AGBL4: variants seen among roughly 807,000 people sequenced by gnomAD.
The protein encoded by AGBL4 is AGBL carboxypeptidase 4.
Under a neutral mutation model 66.4 loss-of-function variants are expected in AGBL4, and 58 were observed. That is an observed-to-expected ratio of 0.87 (90% CI 0.71 to 1.09). The LOEUF (loss-of-function observed/expected upper bound fraction) is 1.09, where lower values mean the gene tolerates loss of function less well. Among genes scored for constraint, AGBL4 ranks in the 50% least tolerant of loss-of-function variants. The probability of loss-of-function intolerance (pLI) is 0.00; values close to 1 mark genes in which losing one functional copy is unlikely to be tolerated. For missense variants in AGBL4, 579 were observed against 631.0 expected (o/e 0.92, Z 0.88); for synonymous variants, 234 against 222.9 (o/e 1.05, Z -0.44).
intron 5 of AGBL4, among the ~76,000 whole-genome samples, chr1:48,889,098 C>T (rs550476403): frequency 3.0e-4 from 45 of 152,302 alleles, no homozygotes; most frequent in Non-Finnish European, 5.4e-4. Context: ...GAGCTGTCAA[C>T]CTTAGGCTCA....
intron 3 of AGBL4, among the ~76,000 whole-genome samples, chr1:49,251,027 G>A (rs1176742667): frequency 2.0e-5 from 3 of 152,124 alleles, no homozygotes; most frequent in Non-Finnish European, 2.9e-5. Flanking sequence ...ATCTTTGCAG[G>A]ACAGTCTTCC....
At chr1:48,711,709 C>T (rs1279100702) in intron 6 of AGBL4, among the ~76,000 whole-genome samples, 2 of 139,670 alleles carry the variant, frequency 1.4e-5, no homozygotes, top group Non-Finnish European at 3.2e-5. Flanking sequence ...CCTGTCACCC[C>T]TCTCTCACTC....
At chr1:49,691,946 G>A (rs1646896190) in intron 3 of AGBL4, among the ~76,000 whole-genome samples, 2 of 152,032 alleles carry the variant, frequency 1.3e-5, no homozygotes, top group Admixed American at 1.3e-4. Flanking sequence ...GGCCTATTGT[G>A]GGACCTTGTG....
At chr1:49,820,791 T>C (rs1557479584) in intron 2 of AGBL4, among the ~76,000 whole-genome samples, 1 of 152,168 alleles carries the variant, frequency 6.6e-6, no homozygotes, top group East Asian at 1.9e-4. Flanking sequence ...TTAACTAAGA[T>C]GTATAAGAAC....
intron 3 of AGBL4, among the ~76,000 whole-genome samples, chr1:49,286,519 G>T (rs1644413956): frequency 6.6e-6 from 1 of 152,042 alleles, no homozygotes; most frequent in Non-Finnish European, 1.5e-5. Flanking sequence ...CAAAGTCTCA[G>T]GATACAAAAT....
chr1:49,210,418 C>T (rs551595455), intron 4 of AGBL4, among the ~76,000 whole-genome samples: 8 of 152,132 alleles, frequency 5.3e-5, no homozygotes, highest in Admixed American at 2.6e-4. Flanking sequence ...GGAAATTTTA[C>T]GTATCATATT....
At chr1:48,560,805 C>T (rs767549725) in intron 11 of AGBL4, among the ~76,000 whole-genome samples, 2 of 152,204 alleles carry the variant, frequency 1.3e-5, no homozygotes, top group African/African-American at 4.8e-5. Flanking sequence ...ACAGAAATAA[C>T]TCATATATGA....
At chr1:49,815,057 C>A (rs559830021) in intron 2 of AGBL4, among the ~76,000 whole-genome samples, 1 of 152,186 alleles carries the variant, frequency 6.6e-6, no homozygotes, top group Admixed American at 6.6e-5. Flanking sequence ...TTAAAATGTA[C>A]AACAAAGTTA....
At chr1:48,562,293 A>G (rs1644408586) in intron 11 of AGBL4, among the ~76,000 whole-genome samples, 1 of 152,214 alleles carries the variant, frequency 6.6e-6, no homozygotes, top group African/African-American at 2.4e-5. Flanking sequence ...ACATGGAGCT[A>G]ACAGGACCCT....
intron 1 of AGBL4, among the ~76,000 whole-genome samples, chr1:49,879,980 T>C (rs371081355): frequency 7.4e-5 from 11 of 149,132 alleles, no homozygotes; most frequent in Middle Eastern, 3.5e-3. Context: ...GCATTCTTCA[T>C]GTAGTTCTCG....
chr1:48,740,184 C>T (rs1259926760), intron 6 of AGBL4, among the ~76,000 whole-genome samples: 1 of 152,182 alleles, frequency 6.6e-6, no homozygotes, highest in Non-Finnish European at 1.5e-5. Flanking sequence ...TTTGCTATGA[C>T]CAATCACAGG....
intron 3 of AGBL4, among the ~76,000 whole-genome samples, chr1:49,247,994 T>C (rs1332660637): frequency 1.3e-5 from 2 of 152,158 alleles, no homozygotes; most frequent in Admixed American, 6.6e-5. Flanking sequence ...TAATATTACA[T>C]GGAAACAGTA....
At chr1:48,607,156 G>A (rs139513417) in intron 9 of AGBL4, among the ~76,000 whole-genome samples, 385 of 152,114 alleles carry the variant, frequency 2.5e-3, no homozygotes, top group African/African-American at 8.9e-3. Context: ...AAAAATGAGG[G>A]CATATTCTAG....
intron 8 of AGBL4, among the ~76,000 whole-genome samples, chr1:48,640,386 A>C (rs1645735072): frequency 6.6e-6 from 1 of 152,210 alleles, no homozygotes; most frequent in Non-Finnish European, 1.5e-5. Flanking sequence ...GGTGCAGAGA[A>C]GATTCAATAT....
intron 3 of AGBL4, among the ~76,000 whole-genome samples, chr1:49,302,256 A>C (rs1570384486): frequency 6.7e-6 from 1 of 148,686 alleles, no homozygotes; most frequent in African/African-American, 2.5e-5. Flanking sequence ...TTTCACATGC[A>C]CTTTTTTTTT....
At chr1:48,542,060 A>G (rs1644081814) in intron 11 of AGBL4, among the ~76,000 whole-genome samples, 1 of 152,096 alleles carries the variant, frequency 6.6e-6, no homozygotes, top group South Asian at 2.1e-4. Context: ...TCTCATAGTT[A>G]AACTTCCACT....
intron 6 of AGBL4, among the ~76,000 whole-genome samples, chr1:48,669,568 A>T (rs1343822146): frequency 6.6e-6 from 1 of 152,170 alleles, no homozygotes; most frequent in African/African-American, 2.4e-5. Context: ...CAAGAATATT[A>T]TACTTGATTC....
At chr1:49,050,507 A>G (rs1644188102) in intron 4 of AGBL4, among the ~76,000 whole-genome samples, 1 of 152,098 alleles carries the variant, frequency 6.6e-6, no homozygotes. Context: ...TGAATAAATA[A>G]TGTCAGCTCC....
At chr1:49,287,569 T>G (rs1231226376) in intron 3 of AGBL4, among the ~76,000 whole-genome samples, 5 of 152,054 alleles carry the variant, frequency 3.3e-5, no homozygotes, top group African/African-American at 4.8e-5. Context: ...GAACAGACAC[T>G]TCTCAAAAGA....
Sources: gnomAD v4.1 joint callset for allele counts (sites outside exome capture counted in the v4.1 genomes callset) on GRCh38, gnomAD v4.1.1 for gene constraint, MANE v1.5 for transcripts, NCBI Gene and HGNC (gene_info 2026-07-23, HGNC 2026-07-21) for gene names.